Variants in STIM1 observed in about 807,000 individuals in gnomAD.
STIM1 encodes the protein stromal interaction molecule 1.
STIM1 carries 25 observed loss-of-function variants against 74.7 expected under a neutral mutation model. That is an observed-to-expected ratio of 0.33 (90% CI 0.24 to 0.47). The LOEUF (loss-of-function observed/expected upper bound fraction) is 0.47. Among genes scored for constraint, STIM1 ranks in the 20% least tolerant of loss-of-function variants. The pLI, the probability that STIM1 is intolerant of heterozygous loss-of-function variation, is 1.00. For missense variants in STIM1, 728 were observed against 920.8 expected, an observed-to-expected ratio of 0.79 and a Z score of 2.71; for synonymous variants, 328 against 348.8, an observed-to-expected ratio of 0.94 and a Z score of 0.66.
chr11:4,009,849 A>G lies in STIM1; in HGVS notation c.271-14024A>G, dbSNP rs576598162. ...TTTTTTTGAGACAGGATCTTGCTCT[A>G]TTGCCCAGGCTGGAGTACAGTGGTA... On this transcript the variant is annotated intron_variant, in intron 2 of 12. Coordinates refer to ENST00000526596, the MANE Select transcript of STIM1 (RefSeq NM_001382567.1). Among the ~76,000 whole-genome samples the G allele has an allele frequency of 1.5e-3, 222 of 152,162 alleles. 1 individual carries two copies. Among genetic ancestry groups the G allele is most frequent in the African/African-American group, 5.1e-3 (212 of 41,522 alleles).
chr11:3,873,806 T>C (rs1455602344), intron 1 of STIM1, among the ~76,000 whole-genome samples: 1 of 152,190 alleles, frequency 6.6e-6, no homozygotes, highest in East Asian at 1.9e-4. Context: ...CTTGTACTCT[T>C]AGCCAGAAGT....
At chr11:4,052,573 A>G (rs1218825353) in intron 3 of STIM1, among the ~76,000 whole-genome samples, 1 of 152,254 alleles carries the variant, frequency 6.6e-6, no homozygotes, top group African/African-American at 2.4e-5. Flanking sequence ...CTTACACCTT[A>G]TACAAAAATT....
chr11:4,013,141 G>T (rs60110100), intron 2 of STIM1, among the ~76,000 whole-genome samples: 7,090 of 152,216 alleles, frequency 0.047, 518 homozygotes, highest in African/African-American at 0.15. Context: ...TTTTATTGAG[G>T]ATTTTTGCAT....
At chr11:3,904,798 C>G (rs1015268569) in intron 1 of STIM1, among the ~76,000 whole-genome samples, 9 of 152,148 alleles carry the variant, frequency 5.9e-5, no homozygotes, top group African/African-American at 1.9e-4. Flanking sequence ...GTTAATGCTG[C>G]TCTTGAGATG....
intron 2 of STIM1, among the ~76,000 whole-genome samples, chr11:4,016,503 G>A (rs1473275873): frequency 2.0e-5 from 3 of 152,232 alleles, no homozygotes; most frequent in East Asian, 3.8e-4. Context: ...CTACACGGGT[G>A]TCAGGGACCC....
chr11:4,053,023 G>A (rs535900363), intron 3 of STIM1, among the ~76,000 whole-genome samples: 245 of 152,226 alleles, frequency 1.6e-3, no homozygotes, highest in Middle Eastern at 0.01. Flanking sequence ...AATCAAAACC[G>A]CAATGAGATA....
At chr11:3,935,885 A>AG (rs1405175735) in intron 1 of STIM1, among the ~76,000 whole-genome samples, 1 of 152,242 alleles carries the variant, frequency 6.6e-6, no homozygotes, top group African/African-American at 2.4e-5. Context: ...CATTATACAT[A>AG]GGTAACATTT....
At chr11:4,066,680 T>TA (rs1394345144) in intron 5 of STIM1, among the ~76,000 whole-genome samples, 7 of 151,158 alleles carry the variant, frequency 4.6e-5, no homozygotes, top group Non-Finnish European at 7.4e-5. Context: ...CCTCCATCTC[T>TA]AAAAAAGAAA....
chr11:4,045,640 A>G (rs1411136990), intron 3 of STIM1, among the ~76,000 whole-genome samples: 1 of 150,454 alleles, frequency 6.6e-6, no homozygotes, highest in East Asian at 2.0e-4. Context: ...TTTTGTAGAG[A>G]TGGGTTTTGT....
intron 2 of STIM1, among the ~76,000 whole-genome samples, chr11:3,987,804 GACAC>G (rs55772228): frequency 0.25 from 35,810 of 145,080 alleles, 5,425 homozygotes; most frequent in African/African-American, 0.45. Flanking sequence ...TGTCCTTAAG[GACAC>G]ACACACACAC....
chr11:4,030,109 A>G (rs1157267707), intron 3 of STIM1, among the ~76,000 whole-genome samples: 4 of 152,080 alleles, frequency 2.6e-5, no homozygotes, highest in African/African-American at 9.7e-5. Flanking sequence ...CGGGTGGATC[A>G]CTTAAGGTCA....
chr11:4,043,242 T>C (rs1468003027), intron 3 of STIM1, among the ~76,000 whole-genome samples: 1 of 151,672 alleles, frequency 6.6e-6, no homozygotes, highest in African/African-American at 2.4e-5. Context: ...AAACAGGAGG[T>C]TTTATTGATT....
chr11:3,868,878 A>T (rs1470431705), intron 1 of STIM1, among the ~76,000 whole-genome samples: 1 of 152,238 alleles, frequency 6.6e-6, no homozygotes, highest in Non-Finnish European at 1.5e-5. Flanking sequence ...ATCCCTGCCC[A>T]GTAGAAGGAC....
chr11:3,988,806 C>T (rs1203023615), intron 2 of STIM1, among the ~76,000 whole-genome samples: 2 of 152,154 alleles, frequency 1.3e-5, no homozygotes, highest in African/African-American at 4.8e-5. Context: ...ACATTAAATG[C>T]AGGGCTGCTG....
chr11:4,005,418 A>G (rs1470245304), intron 2 of STIM1, among the ~76,000 whole-genome samples: 1 of 152,174 alleles, frequency 6.6e-6, no homozygotes, highest in Non-Finnish European at 1.5e-5. Context: ...AGATGAGTTC[A>G]TCTCCTTTGT....
chr11:3,930,931 G>A (rs2092852090), intron 1 of STIM1, among the ~76,000 whole-genome samples: 1 of 152,176 alleles, frequency 6.6e-6, no homozygotes, highest in African/African-American at 2.4e-5. Context: ...ACAGGACACT[G>A]CCTCTCTGCC....
rs2093585494 is a variant in STIM1 at position 3,989,234 on chromosome 11, C to T, written c.270+21552C>T. ...TCAGTTTTCTTTTCCCTGTTTACTG[C>T]AGGTAAATGTTCTTTAGTTTCTTGG... On this transcript the variant is annotated intron_variant, in intron 2 of 12. Transcript: ENST00000526596. The T allele has an allele frequency of 3.5e-6, 3 of 866,164 alleles. No homozygotes were observed. The Admixed American group carries it at 5.1e-5, about 15-fold the overall frequency. The allele number at this position is 866,164 out of a possible 1,614,324, so 53.7% of individuals were successfully genotyped here.
intron 1 of STIM1, among the ~76,000 whole-genome samples, chr11:3,904,716 A>AG (rs771200706): frequency 1.3e-5 from 2 of 152,246 alleles, no homozygotes; most frequent in South Asian, 2.1e-4. Context: ...AGGATGAAGG[A>AG]GGCAGTGTTA....
intron 3 of STIM1, among the ~76,000 whole-genome samples, chr11:4,028,409 CTTTTCTTTTTT>C (rs1046224160): frequency 1.3e-5 from 2 of 148,748 alleles, no homozygotes; most frequent in Non-Finnish European, 3.0e-5. Context: ...CTTTCTTTTT[CTTTTCTTTTTT>C]TTTTTCGAGG....
Sources: gnomAD v4.1 joint callset for allele counts (sites outside exome capture counted in the v4.1 genomes callset) on GRCh38, gnomAD v4.1.1 for gene constraint, MANE v1.5 for transcripts, NCBI Gene and HGNC (gene_info 2026-07-23, HGNC 2026-07-21) for gene names.